The following ARHGAP28 variants were observed in gnomAD, a reference collection of about 807,000 sequenced individuals.
ARHGAP28 encodes the protein rho GTPase-activating protein 28.
Under a neutral mutation model 90.7 loss-of-function variants are expected in ARHGAP28, and 56 were observed. The ratio of observed to expected loss-of-function variants is 0.62; its 90% confidence interval spans 0.50 to 0.77. ARHGAP28 has a LOEUF of 0.77. Ranked by LOEUF, ARHGAP28 falls within the 30% of genes least tolerant of loss-of-function variation. The pLI, the probability that ARHGAP28 is intolerant of heterozygous loss-of-function variation, is 0.00. For synonymous variants in ARHGAP28, 308 were observed against 323.3 expected (o/e 0.95, Z 0.51); for missense variants, 869 against 900.9 (o/e 0.96, Z 0.45).
At chr18:6,758,385 A>G (rs1883523784) in intron 1 of ARHGAP28, among the ~76,000 whole-genome samples, 2 of 151,860 alleles carry the variant, frequency 1.3e-5, no homozygotes, top group South Asian at 2.1e-4. Flanking sequence ...GTGCGGTGGC[A>G]TGATCTCGGC....
At position 6,908,998 on chromosome 18, in the gene ARHGAP28, G is replaced by A. The variant is rs768951899; in HGVS notation, c.2069G>A (p.Arg690Lys). Residue 690 changes from arginine (R) to lysine (K), a missense_variant, in exon 17 of 18, where the codon AGG becomes AAG. By Grantham distance (26) the Arg-to-Lys change is conservative. Transcript: ENST00000383472. ...SSECIKIQNQ[R>K]LYEIGGNIGE... ...GAATGTATTAAGATTCAGAACCAAA[G>A]GTTATATGAAATTGGAGGAAATATA... The A allele has an allele frequency of 2.0e-5, 31 of 1,535,166 alleles. No homozygotes were observed. Among genetic ancestry groups the A allele is most frequent in the Non-Finnish European group, 2.8e-5 (31 of 1,113,708 alleles).
intron 1 of ARHGAP28, among the ~76,000 whole-genome samples, chr18:6,748,038 G>A (rs1398692321): frequency 6.6e-6 from 1 of 152,176 alleles, no homozygotes; most frequent in Admixed American, 6.5e-5. Context: ...GCATATTGTG[G>A]AGGCCATCTC....
intron 1 of ARHGAP28, among the ~76,000 whole-genome samples, chr18:6,799,884 G>C (rs1270951291): frequency 2.0e-5 from 3 of 152,162 alleles, no homozygotes; most frequent in African/African-American, 7.2e-5. Flanking sequence ...AAACTAAAGA[G>C]CTAATGCACA....
intron 1 of ARHGAP28, among the ~76,000 whole-genome samples, chr18:6,818,456 C>T (rs2056605916): frequency 6.6e-6 from 1 of 152,116 alleles, no homozygotes; most frequent in South Asian, 2.1e-4. Flanking sequence ...TTTCCTTTGC[C>T]ACACACTGTG....
chr18:6,883,239 A>ATTTT (rs34238467), intron 11 of ARHGAP28, among the ~76,000 whole-genome samples: 1 of 142,290 alleles, frequency 7.0e-6, no homozygotes, highest in African/African-American at 2.6e-5. Flanking sequence ...TCAGGCACTA[A>ATTTT]TTTTTTTTTT....
At chr18:6,827,787 C>T (rs1405497299) in intron 2 of ARHGAP28, among the ~76,000 whole-genome samples, 1 of 147,292 alleles carries the variant, frequency 6.8e-6, no homozygotes, top group Non-Finnish European at 1.5e-5. Context: ...ACTTCTCAGA[C>T]GGGGCGGCCG....
At chr18:6,847,925 C>T (rs2056879231) in intron 3 of ARHGAP28, among the ~76,000 whole-genome samples, 1 of 152,160 alleles carries the variant, frequency 6.6e-6, no homozygotes, top group African/African-American at 2.4e-5. Flanking sequence ...CGAGAGTCCT[C>T]TCTCTGGGAG....
At chr18:6,861,645 T>C (rs2056999605) in intron 5 of ARHGAP28, among the ~76,000 whole-genome samples, 1 of 152,156 alleles carries the variant, frequency 6.6e-6, no homozygotes, top group African/African-American at 2.4e-5. Context: ...GATTGTATGA[T>C]TGAGTTGCCA....
chr18:6,824,287 C>A (rs2056646105), intron 1 of ARHGAP28, among the ~76,000 whole-genome samples: 1 of 151,994 alleles, frequency 6.6e-6, no homozygotes. Context: ...ACCTGTAATC[C>A]CAGCACTTTG....
chr18:6,736,457 C>A (rs116045289), intron 1 of ARHGAP28, among the ~76,000 whole-genome samples: 1 of 151,694 alleles, frequency 6.6e-6, no homozygotes, highest in Non-Finnish European at 1.5e-5. Flanking sequence ...GGAAAAAAAT[C>A]GGCTGGGTGC....
At chr18:6,755,177 CA>C (rs1046492462) in intron 1 of ARHGAP28, among the ~76,000 whole-genome samples, 1 of 151,276 alleles carries the variant, frequency 6.6e-6, no homozygotes, top group East Asian at 1.9e-4. Context: ...TGTCTTAAAG[CA>C]AAAAAAGAAA....
At chr18:6,755,478 T>C (rs975994262) in intron 1 of ARHGAP28, among the ~76,000 whole-genome samples, 1 of 152,148 alleles carries the variant, frequency 6.6e-6, no homozygotes, top group Non-Finnish European at 1.5e-5. Flanking sequence ...GGGAAAAGCA[T>C]TGTCAAGCTC....
rs144770427 is a variant in ARHGAP28, at chr18:6,877,999, C to T, written c.1290+1791C>T. On this transcript the variant is annotated intron_variant, in intron 10 of 17. Coordinates refer to ENST00000383472, the MANE Select transcript of ARHGAP28 (RefSeq NM_001366230.1). ...GCATGTGTGTGTGTGTATGTATGTG[C>T]CTGTGTACACATGCATGCATGGGTG... is the stretch of plus-strand genomic sequence containing the variant. Among the ~76,000 whole-genome samples the T allele has an allele frequency of 3.6e-3, 545 of 151,782 alleles. 5 individuals carry two copies. Among genetic ancestry groups the T allele is most frequent in the African/African-American group, 0.012 (508 of 41,392 alleles).
chr18:6,897,503 A>T (rs139946533), intron 16 of ARHGAP28: 2 of 152,252 alleles, frequency 1.3e-5, no homozygotes, highest in Admixed American at 6.5e-5. Context: ...TTACTAAAGA[A>T]TAAACATTTG....
chr18:6,877,732 G>A (rs980755421), intron 10 of ARHGAP28, among the ~76,000 whole-genome samples: 4 of 152,102 alleles, frequency 2.6e-5, no homozygotes, highest in Admixed American at 6.5e-5. Flanking sequence ...TTCTGTCTCC[G>A]TTTCTCGTGT....
intron 1 of ARHGAP28, among the ~76,000 whole-genome samples, chr18:6,793,831 A>T (rs1240520384): frequency 6.6e-6 from 1 of 151,946 alleles, no homozygotes; most frequent in Non-Finnish European, 1.5e-5. Flanking sequence ...AAAATATTCT[A>T]CTCAGACTCA....
intron 1 of ARHGAP28, among the ~76,000 whole-genome samples, chr18:6,795,875 A>G (rs762820765): frequency 2.0e-5 from 3 of 152,238 alleles, no homozygotes; most frequent in Non-Finnish European, 4.4e-5. Context: ...ATGGCCTGGG[A>G]CATCCCAAGG....
At chr18:6,894,810 C>T (rs2057292999) in intron 14 of ARHGAP28, 25 bp from the exon 15 acceptor site, 1 of 1,609,522 alleles carries the variant, frequency 6.2e-7, no homozygotes, top group Non-Finnish European at 8.5e-7. Context: ...CTCAACATTA[C>T]TCCTAAAGAC....
chr18:6,914,640 T>A lies in ARHGAP28; in HGVS notation c.*2486T>A, dbSNP rs2057414372. The A allele has an allele frequency of 6.6e-6, 1 of 152,198 alleles. No homozygotes were observed. The highest frequency in any genetic ancestry group is 1.5e-5 in the Non-Finnish European group (1 of 68,034). 9.4% of individuals were successfully genotyped at this position (152,198 alleles called of 1,614,324 possible). On this transcript the variant is annotated 3_prime_UTR_variant, in exon 18 of 18. Coordinates refer to ENST00000383472, the MANE Select transcript of ARHGAP28 (RefSeq NM_001366230.1). ...AATAAATTCATAAAAAAGACTCATA[T>A]CTTTGCAAACAAAAGAAGGGCAGAT...
Sources: gnomAD v4.1 joint callset for allele counts (sites outside exome capture counted in the v4.1 genomes callset) on GRCh38, gnomAD v4.1.1 for gene constraint, MANE v1.5 for transcripts, NCBI Gene and HGNC (gene_info 2026-07-23, HGNC 2026-07-21) for gene names.